ANKRD33B: variants seen among roughly 807,000 people sequenced by gnomAD.
ANKRD33B encodes the protein ankyrin repeat domain-containing protein 33B.
In ANKRD33B, 6 loss-of-function variants were observed where a neutral mutation model predicts 21.5. That is an observed-to-expected ratio of 0.28 (90% CI 0.15 to 0.55). ANKRD33B has a LOEUF of 0.55. ANKRD33B is among the 20% of genes least tolerant of loss of function. The pLI, the probability that ANKRD33B is intolerant of heterozygous loss-of-function variation, is 0.94. For missense variants in ANKRD33B, 698 were observed against 747.2 expected, an observed-to-expected ratio of 0.93 and a Z score of 0.77; for synonymous variants, 347 against 342.4, an observed-to-expected ratio of 1.01 and a Z score of -0.15.
At chr5:10,638,773 G>A (rs142290580) in intron 3 of ANKRD33B, among the ~76,000 whole-genome samples, 4 of 152,178 alleles carry the variant, frequency 2.6e-5, no homozygotes, top group African/African-American at 9.6e-5. Flanking sequence ...GAGGCGACAT[G>A]TTGCACGGTA....
chr5:10,646,903 G>A (rs916679763), intron 3 of ANKRD33B, among the ~76,000 whole-genome samples: 3 of 152,232 alleles, frequency 2.0e-5, no homozygotes, highest in Admixed American at 6.5e-5. Flanking sequence ...AACAGGCCAG[G>A]GCAGTGGCTG....
At position 10,657,565 on chromosome 5, in the gene ANKRD33B, T is replaced by G. The variant is rs1423351317; in HGVS notation, c.*7452T>G. 1 of 152,350 alleles carries G rather than the reference T, an allele frequency of 6.6e-6. No homozygotes were observed. Among genetic ancestry groups the G allele is most frequent in the South Asian group, 2.1e-4 (1 of 4,830 alleles). The allele number at this position is 152,350 out of a possible 1,614,324, so 9.4% of individuals were successfully genotyped here. ...TTGTTATAGTTTATAAAAGATATTT[T>G]CCTATTCAGACCTCAGGGCTATTTT... On this transcript the variant is annotated 3_prime_UTR_variant, in exon 4 of 4. Transcript: ENST00000296657.
In ANKRD33B at chr5:10,619,078, C is replaced by G. The variant is rs1736354046; in HGVS notation, c.496+616C>G. On this transcript the variant is annotated intron_variant, in intron 2 of 3. Transcript: ENST00000296657. This position sits in a 1 kb window ranked among gnomAD's most constrained non-coding sequence, Gnocchi z 4.5. The stretch of plus-strand genomic sequence containing the variant: ...CGACTCTCCTGCTTTGGAACTGTAT[C>G]CAGACATTTTTTTGAGGACAGACAT... 6.6e-6 allele frequency among the ~76,000 whole-genome samples: 1 copy of G among 152,100 alleles called. No homozygotes were observed. The highest frequency in any genetic ancestry group is 6.5e-5 in the Admixed American group (1 of 15,276).
intron 1 of ANKRD33B, among the ~76,000 whole-genome samples, chr5:10,595,033 G>GGAGCAGATGTTGTT (rs1317316015): frequency 6.6e-6 from 1 of 152,156 alleles, no homozygotes; most frequent in Non-Finnish European, 1.5e-5. Flanking sequence ...AAGAGCTGCA[G>GGAGCAGATGTTGTT]GAGCAGATGT....
intron 1 of ANKRD33B, among the ~76,000 whole-genome samples, chr5:10,600,595 G>C (rs1735907837): frequency 6.6e-6 from 1 of 152,142 alleles, no homozygotes; most frequent in African/African-American, 2.4e-5. Context: ...TGCAATTTTG[G>C]GATATTATGG....
At chr5:10,579,642 T>TAAAA (rs1048032407) in intron 1 of ANKRD33B, among the ~76,000 whole-genome samples, 1 of 152,120 alleles carries the variant, frequency 6.6e-6, no homozygotes, top group African/African-American at 2.4e-5. Context: ...TCTTATGATT[T>TAAAA]AAAAAATTAA....
intron 3 of ANKRD33B, among the ~76,000 whole-genome samples, chr5:10,638,416 A>G (rs1431262722): frequency 6.8e-6 from 1 of 148,088 alleles, no homozygotes; most frequent in Non-Finnish European, 1.5e-5. Context: ...ACCTTCCCTC[A>G]CCTGCTGTTT....
chr5:10,611,481 T>G (rs1009423624), intron 1 of ANKRD33B, among the ~76,000 whole-genome samples: 1 of 152,110 alleles, frequency 6.6e-6, no homozygotes, highest in Non-Finnish European at 1.5e-5. Flanking sequence ...GTTAAGAGTT[T>G]GGTGCATGGA....
intron 1 of ANKRD33B, among the ~76,000 whole-genome samples, chr5:10,570,555 T>C (rs1181892160): frequency 1.3e-5 from 2 of 152,082 alleles, no homozygotes; most frequent in Non-Finnish European, 2.9e-5. Flanking sequence ...ATTGCTTCTT[T>C]ATTTTATTTT....
Position 10,591,182 on chromosome 5 carries a change from A to AT in ANKRD33B, c.366+26357dup, listed in dbSNP as rs889094248. Among the ~76,000 whole-genome samples, 5 of 94,936 alleles carry AT rather than the reference A, an allele frequency of 5.3e-5. No homozygotes were observed. In the East Asian group the frequency reaches 1.1e-3, roughly 21 times the overall value. 62.3% of individuals were successfully genotyped at this position (94,936 alleles called of 152,430 possible). On this transcript the variant is annotated intron_variant, in intron 1 of 3. Coordinates refer to ENST00000296657, the MANE Select transcript of ANKRD33B (RefSeq NM_001164440.2). ...CAGGTTTATAGAAATAGTCATCTACATTTTTTTTAGTGGTTTTTTTTTTTT... is the reference window on the plus strand; with the variant it reads ...CAGGTTTATAGAAATAGTCATCTACATTTTTTTTTAGTGGTTTTTTTTTTTT...
At chr5:10,614,070 G>T (rs566824488) in intron 1 of ANKRD33B, among the ~76,000 whole-genome samples, 2 of 151,310 alleles carry the variant, frequency 1.3e-5, no homozygotes, top group African/African-American at 4.9e-5. Flanking sequence ...AGGAACTGGC[G>T]TGTGCGATTG....
rs922272736 is a variant in ANKRD33B, at chr5:10,619,277, C to A, written c.496+815C>A. On this transcript the variant is annotated intron_variant, in intron 2 of 3. Transcript: ENST00000296657. This position sits in a 1 kb window ranked among gnomAD's most constrained non-coding sequence, Gnocchi z 4.5. Reference sequence around the variant, plus strand: ...CTGCAGCTGAGCCAGGAAGAACAGGCGCTTGTGTGTTGAAGGAAGGAGGGG... The same window carrying A: ...CTGCAGCTGAGCCAGGAAGAACAGGAGCTTGTGTGTTGAAGGAAGGAGGGG... 19 of 984,412 alleles carry A rather than the reference C, an allele frequency of 1.9e-5. No homozygotes were observed. In the African/African-American group the frequency reaches 2.3e-4, roughly 12 times the overall value. 61.0% of individuals were successfully genotyped at this position (984,412 alleles called of 1,614,324 possible).
In ANKRD33B at chr5:10,577,694, T is replaced by G. The variant is rs114929145; in HGVS notation, c.366+12861T>G. Among the ~76,000 whole-genome samples, 661 of 152,348 alleles carry G rather than the reference T, an allele frequency of 4.3e-3. 4 individuals carry two copies. The highest frequency in any genetic ancestry group is 0.015 in the African/African-American group (627 of 41,574). On this transcript the variant is annotated intron_variant, in intron 1 of 3. Coordinates refer to ENST00000296657, the MANE Select transcript of ANKRD33B (RefSeq NM_001164440.2). ...TATTTTAAAACTCGAGAGACAATAG[T>G]CATCTCCTAAAAATAGCAGCAGTGA... is the stretch of plus-strand genomic sequence containing the variant.
chr5:10,628,971 A>G (rs1736643199), intron 2 of ANKRD33B, among the ~76,000 whole-genome samples: 2 of 152,276 alleles, frequency 1.3e-5, no homozygotes, highest in African/African-American at 4.8e-5. Context: ...AGTGTGGCTC[A>G]TGAGTGAATT....
At chr5:10,643,819 C>CAAAAAAA (rs374365829) in intron 3 of ANKRD33B, among the ~76,000 whole-genome samples, 13 of 89,574 alleles carry the variant, frequency 1.5e-4, no homozygotes, top group Admixed American at 7.6e-4. Context: ...GACTCTGTCT[C>CAAAAAAA]AAAAAAAAAA....
chr5:10,579,248 A>G (rs548120962), intron 1 of ANKRD33B, among the ~76,000 whole-genome samples: 2 of 151,548 alleles, frequency 1.3e-5, no homozygotes, highest in African/African-American at 4.8e-5. Flanking sequence ...AAAATACTTA[A>G]ATACTCATAT....
chr5:10,653,302 G>GTT lies in ANKRD33B; in HGVS notation c.*3189_*3190insTT, dbSNP rs964254508. ...AGTAGAGGAATTTTCCAAGTCAAGG[G>GTT]AAGTGTTGCCAAACCTCTTGCCTCG... is the stretch of plus-strand genomic sequence containing the variant. On this transcript the variant is annotated 3_prime_UTR_variant, in exon 4 of 4. Coordinates refer to ENST00000296657, the MANE Select transcript of ANKRD33B (RefSeq NM_001164440.2). 6.6e-6 allele frequency: 1 copy of GTT among 152,536 alleles called. No homozygotes were observed. Among genetic ancestry groups the GTT allele is most frequent in the Non-Finnish European group, 1.5e-5 (1 of 68,164 alleles). 9.4% of individuals were successfully genotyped at this position (152,536 alleles called of 1,614,324 possible).
At chr5:10,638,751 TGTTAAC>T (rs1736937171) in intron 3 of ANKRD33B, among the ~76,000 whole-genome samples, 1 of 150,332 alleles carries the variant, frequency 6.7e-6, no homozygotes, top group Non-Finnish European at 1.5e-5. Flanking sequence ...TGGAGTTGCT[TGTTAAC>T]GTTAGGAGGC....
At position 10,651,082 on chromosome 5, in the gene ANKRD33B, T is replaced by C. The variant is rs1737347464; in HGVS notation, c.*969T>C. On this transcript the variant is annotated 3_prime_UTR_variant, in exon 4 of 4. Transcript: ENST00000296657. Reference sequence around the variant, plus strand: ...TGCAACAAGAGTCAGGAGCCCAGAATGACGCAAATTACAGGAATGGGGAGG... The same window carrying C: ...TGCAACAAGAGTCAGGAGCCCAGAACGACGCAAATTACAGGAATGGGGAGG... 6.6e-6 allele frequency: 1 copy of C among 152,310 alleles called. No homozygotes were observed. The highest frequency in any genetic ancestry group is 6.5e-5 in the Admixed American group (1 of 15,282). The allele number at this position is 152,310 out of a possible 1,614,324, so 9.4% of individuals were successfully genotyped here.
Sources: gnomAD v4.1 joint callset for allele counts (sites outside exome capture counted in the v4.1 genomes callset) on GRCh38, gnomAD v4.1.1 for gene constraint, Gnocchi (gnomAD v3.1) non-coding constraint, MANE v1.5 for transcripts, NCBI Gene and HGNC (gene_info 2026-07-23, HGNC 2026-07-21) for gene names.